Variants in PRKCB observed in about 807,000 individuals in gnomAD.
The protein encoded by PRKCB is protein kinase C beta, also known as protein kinase C beta type.
In PRKCB, 13 loss-of-function variants were observed where a neutral mutation model predicts 81.5. The ratio of observed to expected loss-of-function variants is 0.16; its 90% CI spans 0.10 to 0.25. PRKCB has a LOEUF of 0.25. Ranked by LOEUF, PRKCB falls within the 10% of genes least tolerant of loss-of-function variation. The pLI, the probability that PRKCB is intolerant of heterozygous loss-of-function variation, is 1.00. For missense variants in PRKCB, 509 were observed against 875.7 expected (o/e 0.58, Z 5.29); for synonymous variants, 335 against 321.4 (o/e 1.04, Z -0.45).
chr16:24,089,566 T>C (rs1966350289), intron 5 of PRKCB, among the ~76,000 whole-genome samples: 1 of 152,152 alleles, frequency 6.6e-6, no homozygotes, highest in African/African-American at 2.4e-5. Flanking sequence ...TCCAGGAGTT[T>C]GAAACCAGTC....
chr16:23,997,493 T>C (rs567932486), intron 3 of PRKCB, among the ~76,000 whole-genome samples: 6 of 152,324 alleles, frequency 3.9e-5, no homozygotes, highest in African/African-American at 1.4e-4. Context: ...AGAAAGTAGT[T>C]ACAAATACCA....
At chr16:24,063,297 C>CTT (rs960862923) in intron 5 of PRKCB, among the ~76,000 whole-genome samples, 6 of 142,432 alleles carry the variant, frequency 4.2e-5, no homozygotes, top group Non-Finnish European at 6.2e-5. Flanking sequence ...TCCTGATACA[C>CTT]TTTTTTTTTT....
chr16:24,076,110 G>T (rs1966174087), intron 5 of PRKCB, among the ~76,000 whole-genome samples: 1 of 152,226 alleles, frequency 6.6e-6, no homozygotes, highest in Non-Finnish European at 1.5e-5. Flanking sequence ...TGAGTTCCCA[G>T]GTGATGCTGA....
Position 24,035,586 on chromosome 16 carries a change from T to C in PRKCB, c.529+39T>C, listed in dbSNP as rs148417938. Reference sequence around the variant, plus strand: ...GGGCTCCACTGGCTCCTGACCTTGCTTGACCTGTGTGATTGAGAAGGGGAG... The same window carrying C: ...GGGCTCCACTGGCTCCTGACCTTGCCTGACCTGTGTGATTGAGAAGGGGAG... On this transcript the variant is annotated intron_variant, in intron 5 of 16. Coordinates refer to ENST00000643927, the MANE Select transcript of PRKCB (RefSeq NM_002738.7). 1.8e-5 allele frequency: 29 copies of C among 1,591,844 alleles called. No individual in the cohort carries two copies. In the African/African-American group the frequency reaches 3.5e-4, roughly 19 times the overall value.
intron 3 of PRKCB, among the ~76,000 whole-genome samples, chr16:24,004,478 C>CAAAAAAAA (rs71154264): frequency 2.1e-5 from 1 of 47,432 alleles, no homozygotes; most frequent in Non-Finnish European, 4.6e-5. Context: ...CAAGTCTCTA[C>CAAAAAAAA]AAAAAAAAAA....
chr16:24,157,875 A>G (rs1255349157), intron 10 of PRKCB, among the ~76,000 whole-genome samples: 4 of 148,798 alleles, frequency 2.7e-5, no homozygotes, highest in South Asian at 2.2e-4. Flanking sequence ...GCTGAACTCC[A>G]AGTCAATTAA....
intron 7 of PRKCB, among the ~76,000 whole-genome samples, chr16:24,112,675 A>G (rs1966689450): frequency 6.6e-6 from 1 of 152,224 alleles, no homozygotes; most frequent in Non-Finnish European, 1.5e-5. Flanking sequence ...TATAACTAAG[A>G]AAACTGTGTA....
At chr16:24,128,959 A>G (rs1966849111) in intron 9 of PRKCB, among the ~76,000 whole-genome samples, 1 of 152,196 alleles carries the variant, frequency 6.6e-6, no homozygotes, top group African/African-American at 2.4e-5. Context: ...AATTGGGCAG[A>G]TTTGTACCGT....
At chr16:23,998,558 C>T (rs73540963) in intron 3 of PRKCB, among the ~76,000 whole-genome samples, 12,961 of 152,132 alleles carry the variant, frequency 0.085, 1,772 homozygotes, top group African/African-American at 0.29. Flanking sequence ...TGACCTTGGA[C>T]AAATAACTTA....
chr16:23,919,669 C>T (rs975354748), intron 2 of PRKCB, among the ~76,000 whole-genome samples: 1 of 152,154 alleles, frequency 6.6e-6, no homozygotes, highest in Admixed American at 6.5e-5. Flanking sequence ...TTCTCCATTC[C>T]CTCTTCCTCC....
chr16:24,113,853 A>G (rs935348492), intron 8 of PRKCB, among the ~76,000 whole-genome samples: 4 of 151,988 alleles, frequency 2.6e-5, no homozygotes, highest in African/African-American at 4.8e-5. Flanking sequence ...CATTTCTTCA[A>G]AAGTGCTCAT....
At chr16:23,887,199 C>T (rs1215126013) in intron 2 of PRKCB, among the ~76,000 whole-genome samples, 1 of 152,094 alleles carries the variant, frequency 6.6e-6, no homozygotes, top group Admixed American at 6.6e-5. Flanking sequence ...TTCTTTGAAA[C>T]ATATTTTGTT....
At chr16:24,128,230 C>T (rs1332686734) in intron 9 of PRKCB, among the ~76,000 whole-genome samples, 1 of 152,182 alleles carries the variant, frequency 6.6e-6, no homozygotes, top group Non-Finnish European at 1.5e-5. Context: ...CAAAAATTAG[C>T]CGGGCATGGT....
At chr16:23,981,914 C>CTCTTTCCTTTCCCTTTCCCTTTCCATTT (rs1290675445) in intron 2 of PRKCB, among the ~76,000 whole-genome samples, 1 of 9,852 alleles carries the variant, frequency 1.0e-4, no homozygotes, top group African/African-American at 7.4e-4. Context: ...CCTTCCCCTT[C>CTCTTTCCTTTCCCTTTCCCTTTCCATTT]CCCTTCCCTT....
intron 7 of PRKCB, among the ~76,000 whole-genome samples, chr16:24,094,809 GAGGAAGGAAGGA>G (rs71154277): frequency 0.034 from 4,013 of 116,716 alleles, 239 homozygotes; most frequent in African/African-American, 0.12. Context: ...GGAAGGGAGG[GAGGAAGGAAGGA>G]AGGAAGGAAG....
Position 24,123,960 on chromosome 16 carries a change from G to A in PRKCB, c.1044G>A (p.Leu348=). The stretch of plus-strand genomic sequence containing the variant: ...CCGATTTTAACTTCCTAATGGTGCT[G>A]GGGAAAGGCAGCTTTGGCAAGGTAT... The part of the protein sequence containing the change: ...KLTDFNFLMV[L]GKGSFGKVML... The change falls in exon 9 of 17, where the codon CTG becomes CTA. Residue 348 remains leucine (L), a synonymous_variant. Transcript: ENST00000643927. The A allele has an allele frequency of 6.2e-7, 1 of 1,614,150 alleles. No individual in the cohort carries two copies. Among genetic ancestry groups the A allele is most frequent in the East Asian group, 2.2e-5 (1 of 44,880 alleles).
At chr16:23,995,122 C>T (rs957742356) in intron 3 of PRKCB, among the ~76,000 whole-genome samples, 4 of 152,110 alleles carry the variant, frequency 2.6e-5, no homozygotes, top group African/African-American at 4.8e-5. Context: ...CCCCTTTTAA[C>T]GTGAAGGATA....
At chr16:23,908,279 G>A (rs1003111451) in intron 2 of PRKCB, among the ~76,000 whole-genome samples, 1 of 152,116 alleles carries the variant, frequency 6.6e-6, no homozygotes, top group Non-Finnish European at 1.5e-5. Flanking sequence ...AGGTAGGAGT[G>A]ATTTGAAGAA....
Position 23,836,771 on chromosome 16 carries a change from G to GGGGA in PRKCB, c.173+426_173+427insAGGG, listed in dbSNP as rs893788071. Among the ~76,000 whole-genome samples, 4 of 151,292 alleles carry GGGGA rather than the reference G, an allele frequency of 2.6e-5. 1 individual carries two copies. Among genetic ancestry groups the GGGGA allele is most frequent in the Non-Finnish European group, 5.9e-5 (4 of 67,646 alleles). ...CTCGCCCCCCACCCCTTGTTTCCGG[G>GGGGA]GGGGGCGGCGCCCTGGGTGTCCTTC... On this transcript the variant is annotated intron_variant, in intron 1 of 16. Coordinates refer to ENST00000643927, the MANE Select transcript of PRKCB (RefSeq NM_002738.7).
Sources: gnomAD v4.1 joint callset for allele counts (sites outside exome capture counted in the v4.1 genomes callset) on GRCh38, gnomAD v4.1.1 for gene constraint, MANE v1.5 for transcripts, NCBI Gene and HGNC (gene_info 2026-07-23, HGNC 2026-07-21) for gene names.